Variants in RSPRY1 observed in about 807,000 individuals in gnomAD.
RSPRY1 encodes ring finger and SPRY domain containing 1.
In RSPRY1, 23 loss-of-function variants were observed where a neutral mutation model predicts 73.1. That is an observed-to-expected ratio of 0.31 (90% CI 0.23 to 0.45). The LOEUF is 0.45. RSPRY1 is among the 20% of genes least tolerant of loss of function. The pLI is 1.00. For synonymous variants in RSPRY1, 226 were observed against 251.4 expected, an observed-to-expected ratio of 0.90 and a Z score of 0.95; for missense variants, 448 against 698.7, an observed-to-expected ratio of 0.64 and a Z score of 4.05.
In RSPRY1 at chr16:57,231,236, A is replaced by C; in HGVS notation, c.1446A>C (p.Pro482=). ...GTGAGTTCAATTTTGGAGCAAAACC[A>C]TTCAAATACCCACCATCTATGAAAT... The part of the protein sequence containing the change: ...QQCEFNFGAK[P]FKYPPSMKFS... The change falls in exon 13 of 15, where the codon CCA becomes CCC. Residue 482 remains proline (P), a synonymous_variant. Transcript: ENST00000394420. 1 of 1,613,986 alleles carries C rather than the reference A, an allele frequency of 6.2e-7. No individual in the cohort carries two copies. The highest frequency in any genetic ancestry group is 8.5e-7 in the Non-Finnish European group (1 of 1,179,950).
At position 57,220,717 on chromosome 16, in the gene RSPRY1, C is replaced by T. The variant is rs377664761; in HGVS notation, c.902-15C>T. 3.5e-5 allele frequency: 54 copies of T among 1,545,104 alleles called. No individual in the cohort carries two copies. The highest frequency in any genetic ancestry group is 4.7e-5 in the Non-Finnish European group (53 of 1,117,708). ...GCAGCCTGCCTTAGAAACATGAACACTCTTTCTTTTGCAGTTTTAAAAGAA... is the reference window on the plus strand; with the variant it reads ...GCAGCCTGCCTTAGAAACATGAACATTCTTTCTTTTGCAGTTTTAAAAGAA... On this transcript the variant is annotated splice_polypyrimidine_tract_variant and intron_variant, in intron 8 of 14. Coordinates refer to ENST00000394420, the MANE Select transcript of RSPRY1 (RefSeq NM_133368.3).
At chr16:57,206,477 A>G (rs1567495308) in intron 2 of RSPRY1, among the ~76,000 whole-genome samples, 2 of 152,238 alleles carry the variant, frequency 1.3e-5, no homozygotes, top group Non-Finnish European at 2.9e-5. Context: ...TCCTTCCCAA[A>G]TAAGGAAGTA....
At chr16:57,227,589 G>A in intron 11 of RSPRY1, 136 bp downstream of exon 11, 1 of 653,908 alleles carries the variant, frequency 1.5e-6, no homozygotes, top group Non-Finnish European at 2.8e-6. Context: ...TTGTGTCACT[G>A]CCAAGGATAT....
At chr16:57,234,327 C>T (rs556956731) in intron 13 of RSPRY1, among the ~76,000 whole-genome samples, 3 of 152,306 alleles carry the variant, frequency 2.0e-5, no homozygotes, top group Non-Finnish European at 2.9e-5. Flanking sequence ...GTTTTAATAA[C>T]ACCCCACCTC....
chr16:57,202,624 T>C (rs1280404502), intron 1 of RSPRY1, among the ~76,000 whole-genome samples: 1 of 152,138 alleles, frequency 6.6e-6, no homozygotes, highest in African/African-American at 2.4e-5. Flanking sequence ...TGCATCATAC[T>C]CCTACCTATA....
At chr16:57,217,691 C>T (rs1179571790) in intron 8 of RSPRY1, among the ~76,000 whole-genome samples, 4 of 152,226 alleles carry the variant, frequency 2.6e-5, no homozygotes, top group Admixed American at 6.5e-5. Context: ...TCCTTTGAGC[C>T]TCATGTCTGC....
chr16:57,218,664 A>T (rs1597903969), intron 8 of RSPRY1, among the ~76,000 whole-genome samples: 1 of 143,760 alleles, frequency 7.0e-6, no homozygotes, highest in Non-Finnish European at 1.5e-5. Flanking sequence ...AAATGACAGG[A>T]TCTCATTCTT....
chr16:57,210,675 T>C (rs7404384), intron 4 of RSPRY1, among the ~76,000 whole-genome samples: 1 of 151,142 alleles, frequency 6.6e-6, no homozygotes, highest in African/African-American at 2.4e-5. Context: ...ATTGTGCTAC[T>C]GCACTCCAGC....
intron 4 of RSPRY1, among the ~76,000 whole-genome samples, chr16:57,211,829 T>C (rs1206992704): frequency 6.6e-6 from 1 of 151,576 alleles, no homozygotes; most frequent in East Asian, 2.0e-4. Flanking sequence ...TCCTCCCACC[T>C]TGGCCTCCCA....
chr16:57,214,363 T>C (rs1046377774), intron 6 of RSPRY1, among the ~76,000 whole-genome samples: 3 of 152,314 alleles, frequency 2.0e-5, no homozygotes, highest in African/African-American at 4.8e-5. Context: ...ACTGCTACTC[T>C]TAAAACTGTT....
chr16:57,192,215 G>A (rs1259153045), intron 1 of RSPRY1, among the ~76,000 whole-genome samples: 1 of 152,134 alleles, frequency 6.6e-6, no homozygotes, highest in African/African-American at 2.4e-5. Flanking sequence ...TATTCATGCT[G>A]CTTATATATT....
At position 57,217,050 on chromosome 16, in the gene RSPRY1, T is replaced by C. The variant is rs1567504836; in HGVS notation, c.901+15T>C. 1 of 1,613,836 alleles carries C rather than the reference T, an allele frequency of 6.2e-7. No homozygotes were observed. Among genetic ancestry groups the C allele is most frequent in the African/African-American group, 1.3e-5 (1 of 74,910 alleles). On this transcript the variant is annotated intron_variant, in intron 8 of 14. Transcript: ENST00000394420. Reference sequence around the variant, plus strand: ...AGACAATCTCTGTAAGTGGGAGTTGTCCTTTATTAAAATGTCCGTTTCCAT... The same window carrying C: ...AGACAATCTCTGTAAGTGGGAGTTGCCCTTTATTAAAATGTCCGTTTCCAT...
intron 3 of RSPRY1, 78 bp from the exon 4 acceptor site, chr16:57,208,997 T>G: frequency 1.1e-6 from 1 of 945,582 alleles, no homozygotes; most frequent in South Asian, 1.6e-5. Flanking sequence ...TCTTTTAATG[T>G]GAATTGATCT....
chr16:57,188,816 T>C (rs1322930805), intron 1 of RSPRY1, among the ~76,000 whole-genome samples: 10 of 151,796 alleles, frequency 6.6e-5, no homozygotes, highest in Admixed American at 6.6e-4. Context: ...GTGTCTGCCT[T>C]TCGAAGTAAT....
intron 4 of RSPRY1, among the ~76,000 whole-genome samples, chr16:57,211,849 G>T (rs1267341002): frequency 1.3e-5 from 2 of 151,944 alleles, no homozygotes; most frequent in Non-Finnish European, 2.9e-5. Flanking sequence ...AAAGTGCTGG[G>T]ATTACAGGCA....
rs532163334 is a variant in RSPRY1, at chr16:57,186,373, C to G, written c.-234C>G. On this transcript the variant is annotated 5_prime_UTR_variant, in exon 1 of 15. Transcript: ENST00000394420. ...GCCGTGGCCTCGCGTCCATCTTTGC[C>G]GTTCTCTCGGACCTGTCACAAAGGA... The G allele has an allele frequency of 2.0e-3, 331 of 167,826 alleles. 3 individuals are homozygous for G. The highest frequency in any genetic ancestry group is 2.4e-3 in the Non-Finnish European group (194 of 81,162). The allele number at this position is 167,826 out of a possible 1,614,324, so 10.4% of individuals were successfully genotyped here.
chr16:57,200,668 CCCCCA>C (rs2074560289), intron 1 of RSPRY1, among the ~76,000 whole-genome samples: 1 of 115,166 alleles, frequency 8.7e-6, no homozygotes, highest in African/African-American at 3.4e-5. Flanking sequence ...GGGGCTGACC[CCCCCA>C]CCTCCCTCCC....
intron 2 of RSPRY1, 34 bp downstream of exon 2, chr16:57,205,042 A>G: frequency 6.6e-7 from 1 of 1,525,964 alleles, no homozygotes; most frequent in Non-Finnish European, 9.0e-7. Context: ...CTCCAGTGGA[A>G]TGAAAAGTGT....
At chr16:57,205,553 T>TTTTGTCTTTTCCTCTGC (rs2074708640) in intron 2 of RSPRY1, among the ~76,000 whole-genome samples, 1 of 152,244 alleles carries the variant, frequency 6.6e-6, no homozygotes. Context: ...CCTGTACCTG[T>TTTTGTCTTTTCCTCTGC]TTTGTCTTTT....
Sources: gnomAD v4.1 joint callset for allele counts (sites outside exome capture counted in the v4.1 genomes callset) on GRCh38, gnomAD v4.1.1 for gene constraint, MANE v1.5 for transcripts, NCBI Gene and HGNC (gene_info 2026-07-23, HGNC 2026-07-21) for gene names.